The following DZANK1 variants were observed in gnomAD, a reference collection of about 807,000 sequenced individuals.
The protein encoded by DZANK1 is double zinc ribbon and ankyrin repeat domains 1, also known as double zinc ribbon and ankyrin repeat-containing protein 1.
DZANK1 carries 91 observed loss-of-function variants against 94.5 expected under a neutral mutation model. That is an observed-to-expected ratio of 0.96 (90% CI 0.81 to 1.15). The LOEUF is 1.15. Among genes scored for constraint, DZANK1 ranks in the 50% most tolerant of loss-of-function variants. The pLI, the probability that DZANK1 is intolerant of heterozygous loss-of-function variation, is 0.00. For missense variants in DZANK1, 903 were observed against 916.4 expected, an observed-to-expected ratio of 0.99 and a Z score of 0.19; for synonymous variants, 312 against 325.3, an observed-to-expected ratio of 0.96 and a Z score of 0.44.
At chr20:18,466,797 C>T (rs1484515179) in intron 1 of DZANK1, 199 bp downstream of exon 1, 1 of 152,390 alleles carries the variant, frequency 6.6e-6, no homozygotes, top group Admixed American at 6.5e-5. Flanking sequence ...GTGGACCGCC[C>T]CCTCGCAGCC....
chr20:18,407,524 T>C (rs369674486), intron 13 of DZANK1, among the ~76,000 whole-genome samples: 1 of 152,156 alleles, frequency 6.6e-6, no homozygotes, highest in African/African-American at 2.4e-5. Flanking sequence ...CTGAAGAGCA[T>C]CTACAAGCAT....
intron 6 of DZANK1, chr20:18,452,075 T>G (rs1023155063): frequency 9.2e-5 from 30 of 324,468 alleles, no homozygotes; most frequent in Admixed American, 9.2e-4. Flanking sequence ...GGGGTGGTTT[T>G]TTTTTTTTTT....
chr20:18,448,114 C>T (rs1045263882), intron 7 of DZANK1, among the ~76,000 whole-genome samples: 6 of 152,050 alleles, frequency 3.9e-5, no homozygotes, highest in African/African-American at 1.4e-4. Flanking sequence ...TCTGTAATAG[C>T]CCAAAATTGG....
chr20:18,390,512 G>A, intron 17 of DZANK1, 53 bp from the exon 18 acceptor site: 1 of 1,526,508 alleles, frequency 6.6e-7, no homozygotes. Context: ...ATTCACTCAA[G>A]GCAAACACTT....
In DZANK1 at chr20:18,415,307, C is replaced by T. The variant is rs756926192; in HGVS notation, c.1077+20G>A. ...TGGTGAGGTGCTCAGTATACAGAATCTCAGTTTTAAAATACCCACCATGGC... is the reference window on the plus strand; with the variant it reads ...TGGTGAGGTGCTCAGTATACAGAATTTCAGTTTTAAAATACCCACCATGGC... On this transcript the variant is annotated intron_variant, in intron 11 of 20. Transcript: ENST00000262547. 1.4e-5 allele frequency: 21 copies of T among 1,516,430 alleles called. No homozygotes were observed. The highest frequency in any genetic ancestry group is 1.9e-5 in the Non-Finnish European group (21 of 1,126,316). The allele number at this position is 1,516,430 out of a possible 1,614,324, so 93.9% of individuals were successfully genotyped here.
In DZANK1 at chr20:18,441,289, G is replaced by A. The variant is rs1027795848; in HGVS notation, c.747+2058C>T. ...CCCATTTCCCATTGGCAAGGAGCTC[G>A]GCACTGTTCCCAAGCAAAGGACAAG... is the stretch of plus-strand genomic sequence containing the variant. On this transcript the variant is annotated intron_variant, in intron 8 of 20. Coordinates refer to ENST00000262547, the Ensembl canonical transcript of DZANK1. This position sits in a 1 kb window ranked among gnomAD's most constrained non-coding sequence, Gnocchi z 4.1. Among the ~76,000 whole-genome samples, 7 of 152,234 alleles carry A rather than the reference G, an allele frequency of 4.6e-5. No homozygotes were observed. The highest frequency in any genetic ancestry group is 7.2e-5 in the African/African-American group (3 of 41,524).
chr20:18,418,816 A>G (rs1002758840), intron 10 of DZANK1, among the ~76,000 whole-genome samples: 3 of 152,244 alleles, frequency 2.0e-5, no homozygotes, highest in Non-Finnish European at 2.9e-5. Flanking sequence ...AACAGAAACA[A>G]GTGAGAATTC....
At chr20:18,452,369 A>G (rs1299861605) in intron 6 of DZANK1, among the ~76,000 whole-genome samples, 2 of 152,268 alleles carry the variant, frequency 1.3e-5, no homozygotes, top group Non-Finnish European at 2.9e-5. Flanking sequence ...TATCTTCTTC[A>G]TGACGCTTAC....
At chr20:18,421,044 C>G (rs558171023) in intron 10 of DZANK1, 1 of 172,002 alleles carries the variant, frequency 5.8e-6, no homozygotes, top group Non-Finnish European at 1.3e-5. Context: ...GCCTGTCAAG[C>G]GTTTCAGTTT....
At chr20:18,461,846 C>T (rs2148819412) in intron 2 of DZANK1, among the ~76,000 whole-genome samples, 1 of 152,148 alleles carries the variant, frequency 6.6e-6, no homozygotes, top group Non-Finnish European at 1.5e-5. Flanking sequence ...GTGATCTGCC[C>T]ACCTCAGCCT....
intron 12 of DZANK1, 43 bp from the exon 13 acceptor site, chr20:18,412,896 T>G (rs531051413): frequency 6.6e-7 from 1 of 1,512,170 alleles, no homozygotes. Context: ...AGAATATAAT[T>G]TAATCAATCT....
intron 19 of DZANK1, among the ~76,000 whole-genome samples, chr20:18,386,052 C>T (rs886347157): frequency 2.6e-5 from 4 of 152,112 alleles, no homozygotes; most frequent in African/African-American, 4.8e-5. Context: ...TAGGCATTGA[C>T]GGTCTGAACT....
intron 9 of DZANK1, among the ~76,000 whole-genome samples, chr20:18,429,553 A>G (rs2058197104): frequency 6.6e-6 from 1 of 152,178 alleles, no homozygotes; most frequent in East Asian, 1.9e-4. Context: ...CCCACACCCA[A>G]GTGGTACATT....
At chr20:18,457,313 A>C (rs1208174833) in intron 3 of DZANK1, among the ~76,000 whole-genome samples, 1 of 152,114 alleles carries the variant, frequency 6.6e-6, no homozygotes, top group East Asian at 1.9e-4. Flanking sequence ...CATCTCTACC[A>C]AAAGTACAAA....
At chr20:18,414,501 A>C in exon 12 of DZANK1, 1 of 1,608,406 alleles carries the variant, frequency 6.2e-7, no homozygotes, top group Non-Finnish European at 8.5e-7. Flanking sequence ...AACAGCCAGC[A>C]GGAATGCCGA....
chr20:18,395,545 C>T (rs6105912), intron 15 of DZANK1, among the ~76,000 whole-genome samples: 3 of 152,132 alleles, frequency 2.0e-5, no homozygotes, highest in African/African-American at 7.2e-5. Flanking sequence ...GCTGGACCTC[C>T]TTCCCCAGCA....
chr20:18,394,916 G>T, intron 15 of DZANK1: 1 of 456,510 alleles, frequency 2.2e-6, no homozygotes, highest in African/African-American at 2.0e-5. Context: ...GCAAAATGCA[G>T]TAAAATGGGC....
chr20:18,420,223 G>A (rs376006191), intron 10 of DZANK1: 4 of 205,728 alleles, frequency 1.9e-5, no homozygotes, highest in Middle Eastern at 5.1e-4. Context: ...AGGTGGCAAG[G>A]AGGTCAACAT....
chr20:18,463,870 G>GT (rs2059555543), intron 2 of DZANK1, among the ~76,000 whole-genome samples: 1 of 28,036 alleles, frequency 3.6e-5, no homozygotes, highest in African/African-American at 1.4e-4. Flanking sequence ...TATATAATTG[G>GT]TTAAAAAAAG....
Sources: gnomAD v4.1 joint callset for allele counts (sites outside exome capture counted in the v4.1 genomes callset) on GRCh38, gnomAD v4.1.1 for gene constraint, Gnocchi (gnomAD v3.1) non-coding constraint, MANE v1.5 for transcripts, NCBI Gene and HGNC (gene_info 2026-07-23, HGNC 2026-07-21) for gene names.